Variants in CDH8 observed in about 807,000 individuals in gnomAD.
CDH8 encodes the protein cadherin 8, also known as cadherin-8.
Under a neutral mutation model 68.1 loss-of-function variants are expected in CDH8, and 17 were observed. That is an observed-to-expected ratio of 0.25 (90% confidence interval 0.17 to 0.37). CDH8 has a LOEUF of 0.37. CDH8 is among the 10% of genes least tolerant of loss of function. The probability of loss-of-function intolerance (pLI) is 1.00; values close to 1 mark genes in which losing one functional copy is unlikely to be tolerated. For synonymous variants in CDH8, 372 were observed against 365.1 expected (o/e 1.02, Z -0.21); for missense variants, 763 against 999.3 (o/e 0.76, Z 3.19).
At chr16:61,728,501 C>T (rs1959440312) in intron 8 of CDH8, among the ~76,000 whole-genome samples, 1 of 151,034 alleles carries the variant, frequency 6.6e-6, no homozygotes, top group Non-Finnish European at 1.5e-5. Context: ...TGTCTCACCT[C>T]ATATACCCTT....
Position 61,713,717 on chromosome 16 carries a change from C to A in CDH8, c.1654+124G>T, listed in dbSNP as rs1018886246. Reference sequence around the variant, plus strand: ...ATTACCATGCCATTATACTGATAAGCTGAATTTCAAGTGCTCATAGTTGAA... The same window carrying A: ...ATTACCATGCCATTATACTGATAAGATGAATTTCAAGTGCTCATAGTTGAA... On this transcript the variant is annotated intron_variant, in intron 10 of 11. Transcript: ENST00000577390. The A allele has an allele frequency of 5.0e-6, 3 of 602,738 alleles. No homozygotes were observed. In the African/African-American group the frequency reaches 5.7e-5, roughly 11 times the overall value. The allele number at this position is 602,738 out of a possible 1,614,324, so 37.3% of individuals were successfully genotyped here.
intron 2 of CDH8, among the ~76,000 whole-genome samples, chr16:61,926,389 C>G (rs1490611350): frequency 6.6e-6 from 1 of 152,094 alleles, no homozygotes; most frequent in African/African-American, 2.4e-5. Flanking sequence ...CATTCCTTTC[C>G]AAAGTCTTCT....
At chr16:61,756,093 T>C (rs1050276740) in intron 8 of CDH8, among the ~76,000 whole-genome samples, 1 of 152,112 alleles carries the variant, frequency 6.6e-6, no homozygotes, top group African/African-American at 2.4e-5. Flanking sequence ...AGTGCTCAGA[T>C]TACAGGCATG....
At chr16:61,703,937 G>A (rs1191129434) in intron 10 of CDH8, among the ~76,000 whole-genome samples, 1 of 152,146 alleles carries the variant, frequency 6.6e-6, no homozygotes, top group African/African-American at 2.4e-5. Context: ...GTGTCTGTGT[G>A]TGTAAAAGCC....
chr16:61,902,576 CAAAA>C (rs74868190), intron 2 of CDH8, among the ~76,000 whole-genome samples: 4 of 93,080 alleles, frequency 4.3e-5, no homozygotes, highest in African/African-American at 1.6e-4. Context: ...ATATTTGTTC[CAAAA>C]AAAAAAAAAA....
rs992544815 is a variant in CDH8, at chr16:61,647,499, T to C, written c.*6109A>G. 12 of 281,318 alleles carry C rather than the reference T, an allele frequency of 4.3e-5. No individual in the cohort carries two copies. Among genetic ancestry groups the C allele is most frequent in the Non-Finnish European group, 7.3e-5 (11 of 151,516 alleles). 17.4% of individuals were successfully genotyped at this position (281,318 alleles called of 1,614,324 possible). ...GGGGTGATCCCAGTGACTCCTAAAT[T>C]GTCATGTTCCATCTTAGAGCATAAT... On this transcript the variant is annotated 3_prime_UTR_variant, in exon 12 of 12. Coordinates refer to ENST00000577390, the MANE Select transcript of CDH8 (RefSeq NM_001796.5).
chr16:61,863,341 C>T (rs993423805), intron 3 of CDH8, among the ~76,000 whole-genome samples: 1 of 152,080 alleles, frequency 6.6e-6, no homozygotes, highest in African/African-American at 2.4e-5. Flanking sequence ...ATAATAACAG[C>T]AAAAACTACA....
intron 2 of CDH8, among the ~76,000 whole-genome samples, chr16:61,953,384 CTATT>C (rs1483458649): frequency 3.3e-5 from 5 of 152,104 alleles, no homozygotes; most frequent in Admixed American, 1.3e-4. Context: ...TACAGGAACA[CTATT>C]AATTTATTTC....
At chr16:61,714,917 T>C (rs545940857) in intron 9 of CDH8, among the ~76,000 whole-genome samples, 1 of 151,564 alleles carries the variant, frequency 6.6e-6, no homozygotes, top group African/African-American at 2.4e-5. Context: ...TTATGTCCCA[T>C]TGAACTTTGA....
chr16:61,792,062 C>T (rs1184364188), intron 7 of CDH8, among the ~76,000 whole-genome samples: 1 of 151,892 alleles, frequency 6.6e-6, no homozygotes, highest in Non-Finnish European at 1.5e-5. Context: ...TAATAAACTT[C>T]CCTATTTAGA....
intron 7 of CDH8, 147 bp from the exon 8 acceptor site, chr16:61,789,629 A>G (rs1369433212): frequency 1.4e-6 from 1 of 704,698 alleles, no homozygotes; most frequent in African/African-American, 1.9e-5. Flanking sequence ...TAAAACAAAA[A>G]TGACTGAATG....
intron 3 of CDH8, among the ~76,000 whole-genome samples, chr16:61,893,748 G>C (rs529301589): frequency 6.6e-6 from 1 of 152,258 alleles, no homozygotes; most frequent in Admixed American, 6.5e-5. Context: ...CCAAGTGTCA[G>C]ATAATCTGAG....
intron 8 of CDH8, among the ~76,000 whole-genome samples, chr16:61,739,250 A>G (rs1249626883): frequency 6.6e-6 from 1 of 152,126 alleles, no homozygotes; most frequent in Middle Eastern, 3.2e-3. Flanking sequence ...AACCTTAGGG[A>G]TACTCAGTTT....
rs1178205301 is a variant in CDH8, at chr16:61,651,360, A to C, written c.*2248T>G. 1 of 152,204 alleles carries C rather than the reference A, an allele frequency of 6.6e-6. No individual in the cohort carries two copies. The highest frequency in any genetic ancestry group is 2.4e-5 in the African/African-American group (1 of 41,450). The allele number at this position is 152,204 out of a possible 1,614,324, so 9.4% of individuals were successfully genotyped here. A position where few individuals can be genotyped will look rare whatever the true frequency, so the allele number is the denominator to read the frequency against. ...CAAGAAAAAGTGTTCACTAGCCGTA[A>C]TAATACGCATAAAAGATGACTTATT... On this transcript the variant is annotated 3_prime_UTR_variant, in exon 12 of 12. Transcript: ENST00000577390.
intron 2 of CDH8, chr16:61,918,839 C>A (rs1289324279): frequency 6.6e-6 from 1 of 151,392 alleles, no homozygotes; most frequent in Non-Finnish European, 1.5e-5. Flanking sequence ...CTGCCTGCCT[C>A]TGTAGGCTCC....
chr16:61,822,205 C>CCTT (rs1962230457), intron 5 of CDH8, among the ~76,000 whole-genome samples: 4 of 45,630 alleles, frequency 8.8e-5, no homozygotes, highest in African/African-American at 4.5e-4. Flanking sequence ...AAAAACGCAC[C>CCTT]TTTTTTTTTT....
chr16:62,008,796 A>G (rs1004074980), intron 2 of CDH8, among the ~76,000 whole-genome samples: 5 of 152,188 alleles, frequency 3.3e-5, no homozygotes, highest in Non-Finnish European at 2.9e-5. Context: ...GCCTTGATCA[A>G]TAGGTTCAGC....
At chr16:61,732,686 A>T (rs911859701) in intron 8 of CDH8, among the ~76,000 whole-genome samples, 1 of 151,888 alleles carries the variant, frequency 6.6e-6, no homozygotes, top group Non-Finnish European at 1.5e-5. Context: ...CGAAAAAAAT[A>T]AAGAGAAAGG....
At chr16:61,782,762 C>T (rs914494348) in intron 8 of CDH8, among the ~76,000 whole-genome samples, 39 of 152,274 alleles carry the variant, frequency 2.6e-4, no homozygotes, top group South Asian at 1.2e-3. Context: ...AGACTGCCTC[C>T]TCAAGTGGGT....
Sources: allele counts gnomAD v4.1 joint callset (sites outside exome capture counted in the v4.1 genomes callset), GRCh38; gene constraint gnomAD v4.1.1; transcripts MANE v1.5; gene names NCBI Gene and HGNC (gene_info 2026-07-23, HGNC 2026-07-21).